Variants in VIRMA observed in about 807,000 individuals in gnomAD.
VIRMA encodes vir like m6A methyltransferase associated.
Under a neutral mutation model 182.4 loss-of-function variants are expected in VIRMA, and 65 were observed. The observed-to-expected ratio is 0.36, with a 90% CI of 0.29 to 0.44. The LOEUF (loss-of-function observed/expected upper bound fraction) is 0.44. Ranked by LOEUF, VIRMA falls within the 20% of genes least tolerant of loss-of-function variation. The pLI is 1.00. For missense variants in VIRMA, 1,752 were observed against 2,158.1 expected (o/e 0.81, Z 3.73); for synonymous variants, 709 against 743.1 (o/e 0.95, Z 0.75).
intron 8 of VIRMA, among the ~76,000 whole-genome samples, chr8:94,520,192 A>T (rs937226415): frequency 6.0e-5 from 9 of 150,890 alleles, no homozygotes; most frequent in Non-Finnish European, 1.2e-4. Flanking sequence ...CATCAAAAAA[A>T]AAAAAAAAAA....
chr8:94,530,193 C>T, intron 6 of VIRMA, among the ~76,000 whole-genome samples: 1 of 151,858 alleles, frequency 6.6e-6, no homozygotes, highest in East Asian at 1.9e-4. Flanking sequence ...TTTTTTTTAA[C>T]AAGTTAACTG....
chr8:94,525,395 C>T (rs1814926854), intron 8 of VIRMA, among the ~76,000 whole-genome samples: 1 of 152,088 alleles, frequency 6.6e-6, no homozygotes, highest in Non-Finnish European at 1.5e-5. Flanking sequence ...TTTCTGCTTC[C>T]TAGGATAATC....
At position 94,543,909 on chromosome 8, in the gene VIRMA, A is replaced by G. The variant is rs751701404; in HGVS notation, c.97T>C (p.Cys33Arg). Reference protein sequence around the residue: ...SSHIDVVRFPCVVYINEVRVI... With the variant: ...SSHIDVVRFPRVVYINEVRVI... ...CGGACTTCATTGATATAAACCACACATGGAAAACGAACCACATCTATATGA... is the reference window on the plus strand; with the variant it reads ...CGGACTTCATTGATATAAACCACACGTGGAAAACGAACCACATCTATATGA... Residue 33 changes from cysteine (C) to arginine (R), a missense_variant, in exon 2 of 24, where the codon TGT becomes CGT. By Grantham distance (180) the Cys-to-Arg change is radical. Transcript: ENST00000297591. The G allele has an allele frequency of 1.3e-5, 21 of 1,611,802 alleles. No individual in the cohort carries two copies. The highest frequency in any genetic ancestry group is 1.8e-5 in the Non-Finnish European group (21 of 1,178,542).
At chr8:94,546,833 C>T (rs775718633) in intron 1 of VIRMA, 60 of 435,730 alleles carry the variant, frequency 1.4e-4, no homozygotes, top group Admixed American at 3.3e-4. Context: ...TCTTTCTAAA[C>T]TATAAATGTA....
At chr8:94,538,649 C>A (rs1815427161) in intron 2 of VIRMA, among the ~76,000 whole-genome samples, 1 of 151,952 alleles carries the variant, frequency 6.6e-6, no homozygotes, top group Non-Finnish European at 1.5e-5. Flanking sequence ...GCTCTTGTTA[C>A]CCAAGCTGGA....
At chr8:94,520,561 C>A (rs1372072728) in intron 8 of VIRMA, among the ~76,000 whole-genome samples, 1 of 151,978 alleles carries the variant, frequency 6.6e-6, no homozygotes, top group East Asian at 1.9e-4. Flanking sequence ...TTTCTTACAT[C>A]ATTCCCTACA....
chr8:94,523,575 AT>A (rs373343879), intron 8 of VIRMA, among the ~76,000 whole-genome samples: 1 of 147,808 alleles, frequency 6.8e-6, no homozygotes. Context: ...ATTCCCAGCT[AT>A]TTTTTTTTTG....
At chr8:94,541,787 C>T (rs997406937) in intron 2 of VIRMA, among the ~76,000 whole-genome samples, 4 of 152,196 alleles carry the variant, frequency 2.6e-5, no homozygotes, top group African/African-American at 9.7e-5. Flanking sequence ...AATGATCTAC[C>T]TGCCTCAGCT....
chr8:94,539,729 CTGGAAATTTAATCCCCAATGCAACAG>C (rs1815474421), intron 2 of VIRMA, among the ~76,000 whole-genome samples: 1 of 152,110 alleles, frequency 6.6e-6, no homozygotes, highest in Non-Finnish European at 1.5e-5. Context: ...AGTCCATGTC[CTGGAAATTTAATCCCCAATGCAACAG>C]TGTTGGGAGG....
intron 8 of VIRMA, among the ~76,000 whole-genome samples, 183 bp from the exon 9 acceptor site, chr8:94,519,659 G>A (rs565840639): frequency 2.6e-5 from 4 of 152,276 alleles, no homozygotes; most frequent in South Asian, 2.1e-4. Context: ...AAATAAGAGT[G>A]AATGTTCTGT....
chr8:94,544,555 G>A (rs543354925), intron 1 of VIRMA, among the ~76,000 whole-genome samples: 1 of 151,742 alleles, frequency 6.6e-6, no homozygotes, highest in South Asian at 2.1e-4. Flanking sequence ...CAGCTACTTG[G>A]GAGGTTGAGG....
In VIRMA at chr8:94,543,744, T is replaced by C. The variant is rs1563482153; in HGVS notation, c.179+83A>G. The stretch of plus-strand genomic sequence containing the variant: ...TCAGGATTTTATCACTTGTAAAATA[T>C]TCCCTTACATTTTTGCATTTAAGAA... On this transcript the variant is annotated intron_variant, in intron 2 of 23. Transcript: ENST00000297591. The C allele has an allele frequency of 7.9e-6, 6 of 763,384 alleles. No individual in the cohort carries two copies. The South Asian group carries it at 9.8e-5, about 12-fold the overall frequency. The allele number at this position is 763,384 out of a possible 1,614,324, so 47.3% of individuals were successfully genotyped here. A position where few individuals can be genotyped will look rare whatever the true frequency, so the allele number is the denominator to read the frequency against.
At chr8:94,511,083 G>T in intron 13 of VIRMA, 102 bp downstream of exon 13, 1 of 1,478,106 alleles carries the variant, frequency 6.8e-7, no homozygotes. Flanking sequence ...GTCTTTTTGG[G>T]AGGAAGGGAG....
intron 8 of VIRMA, among the ~76,000 whole-genome samples, chr8:94,523,611 C>G (rs1436086415): frequency 5.9e-5 from 9 of 152,012 alleles, no homozygotes; most frequent in Admixed American, 5.9e-4. Flanking sequence ...GTAGCGGTCT[C>G]CCTATGTTGC....
Position 94,511,300 on chromosome 8 carries a change from G to A in VIRMA, c.3275C>T (p.Ser1092Phe), listed in dbSNP as rs1231443246. 3.2e-5 allele frequency: 52 copies of A among 1,613,780 alleles called. No individual in the cohort carries two copies. Among genetic ancestry groups the A allele is most frequent in the Non-Finnish European group, 4.4e-5 (52 of 1,179,950 alleles). Reference sequence around the variant, plus strand: ...AGAAAGAACTTCTTTTAACATTAAAGACCAAGTATTATTGGCCAGAGTCTC... The same window carrying A: ...AGAAAGAACTTCTTTTAACATTAAAAACCAAGTATTATTGGCCAGAGTCTC... ...SEETLANNTW[S>F]LMLKEVLSSI... The change falls in exon 13 of 24, where the codon TCT (serine) becomes TTT (phenylalanine). Residue 1092 changes from serine (S) to phenylalanine (F), a missense_variant. Physicochemically the swap from Ser to Phe is radical, Grantham distance 155. Around this residue, in one of 11 missense-constraint regions of VIRMA, gnomAD observed 777 missense variants for 920.6 expected, o/e 0.84. Transcript: ENST00000297591.
intron 17 of VIRMA, chr8:94,497,916 T>C (rs1373851259): frequency 1.3e-5 from 2 of 152,012 alleles, no homozygotes; most frequent in African/African-American, 2.4e-5. Context: ...GAGGCTGAGG[T>C]GGAAGGATCA....
At chr8:94,530,813 G>A (rs1036124817) in intron 6 of VIRMA, 150 bp downstream of exon 6, 5 of 664,762 alleles carry the variant, frequency 7.5e-6, no homozygotes, top group Non-Finnish European at 1.2e-5. Flanking sequence ...TTAGGAGGCT[G>A]AGGTGAGAGG....
chr8:94,536,576 C>T (rs753334371), intron 4 of VIRMA, among the ~76,000 whole-genome samples: 4 of 152,172 alleles, frequency 2.6e-5, no homozygotes, highest in Non-Finnish European at 5.9e-5. Context: ...AAATGCTGGC[C>T]TCTTCTTGAC....
intron 8 of VIRMA, among the ~76,000 whole-genome samples, chr8:94,524,423 G>A (rs1442337400): frequency 6.6e-6 from 1 of 152,066 alleles, no homozygotes; most frequent in Non-Finnish European, 1.5e-5. Flanking sequence ...TCCTGCCTCA[G>A]CCTCCCAAGT....
Sources: gnomAD v4.1 joint callset for allele counts (sites outside exome capture counted in the v4.1 genomes callset) on GRCh38, gnomAD v4.1.1 for gene constraint, gnomAD v4.1.1 regional missense constraint, MANE v1.5 for transcripts, NCBI Gene and HGNC (gene_info 2026-07-23, HGNC 2026-07-21) for gene names.